Variants in ITSN1 observed in about 807,000 individuals in gnomAD.
ITSN1 encodes the protein intersectin-1.
In ITSN1, 58 loss-of-function variants were observed where a neutral mutation model predicts 239.8. That is an observed-to-expected ratio of 0.24 (90% CI 0.20 to 0.30). The LOEUF is 0.30. ITSN1 is among the 10% of genes least tolerant of loss of function. The probability of loss-of-function intolerance (pLI) is 1.00; values close to 1 mark genes in which losing one functional copy is unlikely to be tolerated. For synonymous variants in ITSN1, 780 were observed against 770.8 expected (o/e 1.01, Z -0.20); for missense variants, 1,558 against 2,103.3 (o/e 0.74, Z 5.07).
At chr21:33,726,728 C>G (rs1410662989) in intron 4 of ITSN1, among the ~76,000 whole-genome samples, 1 of 151,940 alleles carries the variant, frequency 6.6e-6, no homozygotes, top group African/African-American at 2.4e-5. Flanking sequence ...TGTCATGTTG[C>G]CCAGGCTGGT....
Position 33,865,317 on chromosome 21 carries a change from T to A in ITSN1, c.4057T>A (p.Phe1353Ile), listed in dbSNP as rs1981368577. ...IQQKTDEAPD[F>I]KEFVKRLAMD... The stretch of plus-strand genomic sequence containing the variant: ...GCAGAAGACGGATGAGGCCCCAGAC[T>A]TCAAGGAGTTCGTCAAAGTAAGGAG... Residue 1353 changes from phenylalanine (F) to isoleucine (I), a missense_variant, in exon 32 of 40, where the codon TTC (phenylalanine) becomes ATC (isoleucine). This residue lies in a region of ITSN1 where 576 missense variants were observed against 893.3 expected (regional missense o/e 0.64). Coordinates refer to ENST00000381318, the MANE Select transcript of ITSN1 (RefSeq NM_003024.3). The surrounding 1 kb of genome is among the most constrained non-coding windows in gnomAD (Gnocchi z 4.4). 6.4e-7 allele frequency: 1 copy of A among 1,567,718 alleles called. No homozygotes were observed. The highest frequency in any genetic ancestry group is 1.3e-5 in the African/African-American group (1 of 74,102).
intron 21 of ITSN1, among the ~76,000 whole-genome samples, chr21:33,811,475 AT>A (rs1470783543): frequency 6.6e-6 from 1 of 152,170 alleles, no homozygotes. Flanking sequence ...TCAATAATGT[AT>A]TTGTATCTAT....
intron 22 of ITSN1, chr21:33,814,327 C>A: frequency 2.1e-6 from 1 of 467,672 alleles, no homozygotes; most frequent in Non-Finnish European, 3.9e-6. Context: ...GGCACTTGAG[C>A]TGCATCTTGA....
In ITSN1 at chr21:33,850,231, G is replaced by T. The variant is rs550032668; in HGVS notation, c.3662-6505G>T. Among the ~76,000 whole-genome samples, 8 of 152,280 alleles carry T rather than the reference G, an allele frequency of 5.3e-5. No homozygotes were observed. In the South Asian group the frequency reaches 1.7e-3, roughly 32 times the overall value. ...CTTGGGAGAAAACAAAGCTTATTTG[G>T]AGTTACATTGGCACTTTTAAGCATC... On this transcript the variant is annotated intron_variant, in intron 29 of 39. Coordinates refer to ENST00000381318, the MANE Select transcript of ITSN1 (RefSeq NM_003024.3).
intron 4 of ITSN1, among the ~76,000 whole-genome samples, chr21:33,730,416 T>TTC (rs1165581075): frequency 3.5e-5 from 5 of 141,848 alleles, no homozygotes; most frequent in Non-Finnish European, 6.1e-5. Context: ...TTTTTTTTTT[T>TTC]CTGGAGACAG....
At chr21:33,885,185 G>A in intron 37 of ITSN1, 62 bp downstream of exon 37, 5 of 1,398,380 alleles carry the variant, frequency 3.6e-6, no homozygotes, top group Non-Finnish European at 4.1e-6. Flanking sequence ...CATTTGGCTG[G>A]GCTGAAAATC....
chr21:33,647,530 C>T (rs2088083658), intron 1 of ITSN1, among the ~76,000 whole-genome samples: 2 of 151,908 alleles, frequency 1.3e-5, no homozygotes, highest in Non-Finnish European at 2.9e-5. Flanking sequence ...GAGTCTCAGT[C>T]TGTTACCCAG....
At chr21:33,728,351 G>A (rs1262353092) in intron 4 of ITSN1, among the ~76,000 whole-genome samples, 7 of 152,080 alleles carry the variant, frequency 4.6e-5, no homozygotes, top group Non-Finnish European at 2.9e-5. Context: ...TCCTGCCTCA[G>A]CCTCCCGAGT....
chr21:33,807,191 G>C (rs2072519032), intron 20 of ITSN1, among the ~76,000 whole-genome samples: 1 of 152,204 alleles, frequency 6.6e-6, no homozygotes. Context: ...AGGGATGGGA[G>C]AAGCTCTTGC....
chr21:33,817,418 A>C, intron 22 of ITSN1: 2 of 1,304,426 alleles, frequency 1.5e-6, no homozygotes, highest in Non-Finnish European at 2.0e-6. Context: ...CCCATCTCAG[A>C]TGCTGCCCCC....
chr21:33,710,964 C>T (rs1189438274), intron 1 of ITSN1, among the ~76,000 whole-genome samples: 1 of 151,866 alleles, frequency 6.6e-6, no homozygotes, highest in Non-Finnish European at 1.5e-5. Flanking sequence ...TGCTACCACA[C>T]CCAGCTAATT....
chr21:33,746,529 A>G (rs1195658192), intron 5 of ITSN1, among the ~76,000 whole-genome samples: 3 of 152,242 alleles, frequency 2.0e-5, no homozygotes, highest in African/African-American at 4.8e-5. Context: ...CTAGAAAAGT[A>G]TGACAATTGA....
intron 18 of ITSN1, 86 bp from the exon 19 acceptor site, chr21:33,799,722 A>C: frequency 7.2e-7 from 1 of 1,396,070 alleles, no homozygotes; most frequent in Non-Finnish European, 9.9e-7. Flanking sequence ...GCAATAGAGG[A>C]GAGGTTAGTT....
intron 20 of ITSN1, among the ~76,000 whole-genome samples, chr21:33,809,492 C>T (rs1030836940): frequency 6.6e-6 from 1 of 152,184 alleles, no homozygotes; most frequent in African/African-American, 2.4e-5. Context: ...GTATTGAACC[C>T]TATTACTCAC....
intron 1 of ITSN1, among the ~76,000 whole-genome samples, chr21:33,665,521 C>T (rs2089873063): frequency 6.6e-6 from 1 of 151,986 alleles, no homozygotes; most frequent in Non-Finnish European, 1.5e-5. Context: ...AACTGGAATC[C>T]TCATATATTG....
chr21:33,735,242 T>C (rs2066424137), intron 5 of ITSN1, 38 bp downstream of exon 5: 4 of 1,587,760 alleles, frequency 2.5e-6, no homozygotes, highest in Middle Eastern at 3.3e-4. Context: ...TATTTTCTTG[T>C]ATATTTTAAA....
At chr21:33,813,859 A>C in intron 21 of ITSN1, 54 bp from the exon 22 acceptor site, 2 of 1,503,238 alleles carry the variant, frequency 1.3e-6, no homozygotes, top group Non-Finnish European at 1.8e-6. Context: ...GTGGGTAAAA[A>C]GCTGGTATAT....
intron 7 of ITSN1, among the ~76,000 whole-genome samples, chr21:33,754,012 A>G (rs1367331424): frequency 2.6e-5 from 4 of 152,068 alleles, no homozygotes; most frequent in East Asian, 1.9e-4. Flanking sequence ...ATGAGTTTTT[A>G]GTCTATTTAA....
At chr21:33,737,330 C>G (rs929064378) in intron 5 of ITSN1, among the ~76,000 whole-genome samples, 17 of 152,158 alleles carry the variant, frequency 1.1e-4, no homozygotes, top group Non-Finnish European at 2.4e-4. Flanking sequence ...ACTCTTCCCC[C>G]CAGACTTCTC....
Sources: gnomAD v4.1 joint callset for allele counts (sites outside exome capture counted in the v4.1 genomes callset) on GRCh38, gnomAD v4.1.1 for gene constraint, gnomAD v4.1.1 regional missense constraint, Gnocchi (gnomAD v3.1) non-coding constraint, MANE v1.5 for transcripts, NCBI Gene and HGNC (gene_info 2026-07-23, HGNC 2026-07-21) for gene names.